Variants in DMD observed in about 807,000 individuals in gnomAD.
DMD encodes the protein dystrophin, also known as mutant dystrophin.
A neutral mutation model predicts 330.1 loss-of-function variants in DMD; 63 were observed. That is an observed-to-expected ratio of 0.19 (90% CI 0.16 to 0.24). The LOEUF is 0.24. Ranked by LOEUF, DMD falls within the 10% of genes least tolerant of loss-of-function variation. The probability of loss-of-function intolerance (pLI) is 1.00; values close to 1 mark genes in which losing one functional copy is unlikely to be tolerated. For synonymous variants in DMD, 1,223 were observed against 959.8 expected (o/e 1.27, Z -5.07); for missense variants, 3,344 against 2,684.1 (o/e 1.25, Z -5.43).
intron 49 of DMD, among the ~76,000 whole-genome samples, chrX:31,826,341 A>G (rs1334209433): frequency 8.9e-6 from 1 of 112,368 alleles, no homozygotes; most frequent in African/African-American, 3.2e-5. Context: ...ATAATTTCCA[A>G]TCTTTTATAA....
intron 2 of DMD, among the ~76,000 whole-genome samples, chrX:32,890,752 G>A (rs1309035124): frequency 2.7e-5 from 3 of 111,640 alleles, no homozygotes; most frequent in Non-Finnish European, 5.6e-5. Context: ...AGTTATATGT[G>A]GCTACTGAAC....
At chrX:32,702,558 C>T (rs1196137797) in intron 7 of DMD, among the ~76,000 whole-genome samples, 1 of 111,096 alleles carries the variant, frequency 9.0e-6, no homozygotes, top group African/African-American at 3.3e-5. Flanking sequence ...ACCTGGCCTT[C>T]ATTCAATAGA....
intron 44 of DMD, among the ~76,000 whole-genome samples, chrX:32,026,161 T>C (rs1429913892): frequency 8.9e-6 from 1 of 112,074 alleles, no homozygotes; most frequent in Non-Finnish European, 1.9e-5. Flanking sequence ...ATCTGGACTT[T>C]ATAATTCAGA....
At chrX:31,483,135 C>T (rs1481062033) in intron 57 of DMD, among the ~76,000 whole-genome samples, 2 of 105,519 alleles carry the variant, frequency 1.9e-5, no homozygotes, top group African/African-American at 3.5e-5. Context: ...CAAGCTCCAC[C>T]TCCCAGGTTC....
intron 18 of DMD, among the ~76,000 whole-genome samples, chrX:32,504,706 T>C (rs541427134): frequency 1.8e-5 from 2 of 111,334 alleles, no homozygotes; most frequent in African/African-American, 6.5e-5. Flanking sequence ...CCATGTTTTC[T>C]TGGATACACA....
chrX:32,687,055 T>A (rs1485503819), intron 9 of DMD, among the ~76,000 whole-genome samples: 5 of 112,219 alleles, frequency 4.5e-5, no homozygotes, highest in Non-Finnish European at 9.4e-5. Flanking sequence ...ACATACAAAT[T>A]ATTTCCAAAT....
At chrX:32,936,325 G>A (rs971270306) in intron 2 of DMD, among the ~76,000 whole-genome samples, 1 of 111,378 alleles carries the variant, frequency 9.0e-6, no homozygotes, top group Non-Finnish European at 1.9e-5. Flanking sequence ...TGGTCAGGCT[G>A]GTCTCGAACT....
chrX:33,102,321 T>G (rs1043445732), intron 1 of DMD, among the ~76,000 whole-genome samples: 7 of 109,756 alleles, frequency 6.4e-5, no homozygotes, highest in Non-Finnish European at 1.1e-4. Flanking sequence ...TTTTTGTTTT[T>G]TTTTTTTTTT....
intron 2 of DMD, among the ~76,000 whole-genome samples, chrX:32,966,584 C>G (rs1401256354): frequency 2.7e-5 from 3 of 111,651 alleles, no homozygotes; most frequent in African/African-American, 9.8e-5. Context: ...GGAAGTTTCC[C>G]CTTGCTGCTT....
At chrX:31,247,050 T>C (rs2048896508) in intron 63 of DMD, among the ~76,000 whole-genome samples, 1 of 112,088 alleles carries the variant, frequency 8.9e-6, no homozygotes, top group Non-Finnish European at 1.9e-5. Context: ...TCAAGCTCAC[T>C]GTAAGACCTA....
chrX:31,180,055 C>A (rs745655682), intron 69 of DMD, among the ~76,000 whole-genome samples: 9 of 111,614 alleles, frequency 8.1e-5, no homozygotes, highest in Non-Finnish European at 1.7e-4. Flanking sequence ...GCCATAAGAT[C>A]GCCCCACACA....
chrX:33,065,852 G>C (rs185716383), intron 1 of DMD, among the ~76,000 whole-genome samples: 39 of 111,890 alleles, frequency 3.5e-4, no homozygotes, highest in African/African-American at 1.1e-3. Context: ...CTTCGACCTG[G>C]TGTAAAATTC....
chrX:31,723,242 G>T (rs2085716796), intron 52 of DMD, among the ~76,000 whole-genome samples: 1 of 106,787 alleles, frequency 9.4e-6, no homozygotes, highest in African/African-American at 3.5e-5. Flanking sequence ...GACATTCCAG[G>T]TAACTTTTGA....
intron 2 of DMD, among the ~76,000 whole-genome samples, chrX:32,861,154 T>C (rs2082046846): frequency 8.9e-6 from 1 of 111,948 alleles, no homozygotes; most frequent in Admixed American, 9.5e-5. Context: ...GTGGTGATAT[T>C]GCAAAGATTT....
intron 7 of DMD, among the ~76,000 whole-genome samples, chrX:32,702,687 C>A (rs2064243035): frequency 9.0e-6 from 1 of 111,175 alleles, no homozygotes; most frequent in South Asian, 3.8e-4. Flanking sequence ...AGGCTAGGAC[C>A]ATAATCCAGA....
intron 45 of DMD, among the ~76,000 whole-genome samples, chrX:31,954,574 C>T (rs60340900): frequency 0.012 from 1,372 of 111,015 alleles, 28 homozygotes; most frequent in African/African-American, 0.043. Flanking sequence ...GGGTGAAATC[C>T]TGTCATTTGC....
At chrX:31,915,082 C>T (rs2149893458) in intron 47 of DMD, among the ~76,000 whole-genome samples, 1 of 112,211 alleles carries the variant, frequency 8.9e-6, no homozygotes, top group African/African-American at 3.2e-5. Flanking sequence ...GAGCAGATAG[C>T]ATAACTTTCA....
intron 55 of DMD, among the ~76,000 whole-genome samples, chrX:31,624,868 A>C (rs2078754398): frequency 8.9e-6 from 1 of 112,269 alleles, no homozygotes; most frequent in Non-Finnish European, 1.9e-5. Flanking sequence ...TAGAGGAAAA[A>C]AAGCAAACAC....
intron 16 of DMD, among the ~76,000 whole-genome samples, chrX:32,550,165 C>G (rs1187368096): frequency 1.8e-5 from 2 of 110,315 alleles, no homozygotes; most frequent in Non-Finnish European, 3.8e-5. Flanking sequence ...AGTGTAGGCA[C>G]AATGGTAAGT....
Sources: gnomAD v4.1 joint callset for allele counts (sites outside exome capture counted in the v4.1 genomes callset) on GRCh38, gnomAD v4.1.1 for gene constraint, MANE v1.5 for transcripts, NCBI Gene and HGNC (gene_info 2026-07-23, HGNC 2026-07-21) for gene names.